Variants in TRAPPC9 observed in about 807,000 individuals in gnomAD.
TRAPPC9 encodes trafficking protein particle complex subunit 9, also known as IKK2 binding protein.
In TRAPPC9, 83 loss-of-function variants were observed where a neutral mutation model predicts 124.0. The observed-to-expected ratio is 0.67, with a 90% confidence interval of 0.56 to 0.80. The LOEUF (loss-of-function observed/expected upper bound fraction) is 0.80, where lower values mean the gene tolerates loss of function less well. Ranked by LOEUF, TRAPPC9 falls within the 30% of genes least tolerant of loss-of-function variation. The pLI is 0.00. For synonymous variants in TRAPPC9, 638 were observed against 617.5 expected (o/e 1.03, Z -0.49); for missense variants, 1,302 against 1,508.3 (o/e 0.86, Z 2.27).
At chr8:140,329,251 G>A (rs2066828988) in intron 9 of TRAPPC9, among the ~76,000 whole-genome samples, 1 of 152,170 alleles carries the variant, frequency 6.6e-6, no homozygotes, top group Admixed American at 6.5e-5. Context: ...CAAAAGGTGA[G>A]ATCTTCTGGA....
Position 140,451,450 on chromosome 8 carries a change from G to T in TRAPPC9, c.-10-67C>A, listed in dbSNP as rs558874788. On this transcript the variant is annotated intron_variant, in intron 1 of 22. Coordinates refer to ENST00000438773, the MANE Select transcript of TRAPPC9 (RefSeq NM_001160372.4). ...TGAGTGCTGAGAGCCTACCCTGGGAGGCAGTGACTGTGACCTTCACTACCC... is the reference window on the plus strand; with the variant it reads ...TGAGTGCTGAGAGCCTACCCTGGGATGCAGTGACTGTGACCTTCACTACCC... 1.6e-4 allele frequency: 216 copies of T among 1,372,528 alleles called. 1 individual carries two copies. In the South Asian group the frequency reaches 2.3e-3, roughly 15 times the overall value. 85.0% of individuals were successfully genotyped at this position (1,372,528 alleles called of 1,614,324 possible). A position where few individuals can be genotyped will look rare whatever the true frequency, so the allele number is the denominator to read the frequency against.
chr8:139,734,154 C>T (rs922475463), intron 21 of TRAPPC9, among the ~76,000 whole-genome samples: 6 of 152,182 alleles, frequency 3.9e-5, no homozygotes, highest in Non-Finnish European at 7.3e-5. Context: ...GTCCTGGGTT[C>T]ACAGGGAGGC....
chr8:140,275,717 T>G lies in TRAPPC9; in HGVS notation c.2219A>C (p.Asn740Thr). The G allele has an allele frequency of 1.2e-6, 2 of 1,614,186 alleles. No individual in the cohort carries two copies. The highest frequency in any genetic ancestry group is 1.7e-6 in the Non-Finnish European group (2 of 1,180,006). Reference sequence around the variant, plus strand: ...TTTCTCCAATGGTTCCATTCCAATATTTTCCAATTTAATGATTAGTTGCTG... The same window carrying G: ...TTTCTCCAATGGTTCCATTCCAATAGTTTCCAATTTAATGATTAGTTGCTG... Reference protein sequence around the residue: ...ESQQLIIKLENIGMEPLEKLE... With the variant: ...ESQQLIIKLETIGMEPLEKLE... Residue 740 changes from asparagine (N) to threonine (T), a missense_variant, in exon 15 of 23, where the codon AAT becomes ACT. Transcript: ENST00000438773.
At chr8:140,035,504 C>T (rs910110492) in intron 17 of TRAPPC9, among the ~76,000 whole-genome samples, 1 of 152,204 alleles carries the variant, frequency 6.6e-6, no homozygotes, top group African/African-American at 2.4e-5. Context: ...AAGCAATCCT[C>T]ACAACCAGTG....
At chr8:139,744,542 A>C (rs1291916356) in intron 21 of TRAPPC9, among the ~76,000 whole-genome samples, 6 of 152,212 alleles carry the variant, frequency 3.9e-5, no homozygotes, top group African/African-American at 1.4e-4. Context: ...CCAGCTCTGC[A>C]CACTCCAGCT....
At chr8:140,082,757 G>A (rs1211568867) in intron 17 of TRAPPC9, among the ~76,000 whole-genome samples, 2 of 152,206 alleles carry the variant, frequency 1.3e-5, no homozygotes, top group Admixed American at 1.3e-4. Flanking sequence ...CATCAAAATG[G>A]TCTGATTTAG....
intron 17 of TRAPPC9, among the ~76,000 whole-genome samples, chr8:140,028,543 C>G (rs928540565): frequency 6.6e-6 from 1 of 152,214 alleles, no homozygotes; most frequent in Non-Finnish European, 1.5e-5. Context: ...CAGGCAGGAA[C>G]TGAATGCAGA....
At chr8:140,405,520 A>G in intron 6 of TRAPPC9, 57 bp downstream of exon 6, 2 of 1,596,810 alleles carry the variant, frequency 1.3e-6, no homozygotes, top group Non-Finnish European at 1.7e-6. Context: ...TGTAAAATGG[A>G]AACTTCTGAT....
At chr8:139,918,510 G>T (rs1386505060) in intron 19 of TRAPPC9, among the ~76,000 whole-genome samples, 1 of 152,222 alleles carries the variant, frequency 6.6e-6, no homozygotes. Context: ...ACCAGAGCGT[G>T]AGCAAACCGG....
intron 17 of TRAPPC9, among the ~76,000 whole-genome samples, chr8:140,124,703 C>A (rs372696624): frequency 8.5e-5 from 6 of 70,286 alleles, no homozygotes; most frequent in Admixed American, 4.8e-4. Flanking sequence ...AAGACCCTCG[C>A]GGGGGAGGAC....
At chr8:139,975,160 C>T (rs1052393775) in intron 19 of TRAPPC9, among the ~76,000 whole-genome samples, 4 of 152,098 alleles carry the variant, frequency 2.6e-5, no homozygotes, top group South Asian at 2.1e-4. Context: ...ACAAGGACTG[C>T]CCTAGACGAG....
At chr8:139,767,097 C>T (rs1415945455) in intron 21 of TRAPPC9, among the ~76,000 whole-genome samples, 1 of 152,200 alleles carries the variant, frequency 6.6e-6, no homozygotes, top group Non-Finnish European at 1.5e-5. Context: ...GACAAGGCCA[C>T]GTGTCAGCTA....
chr8:140,210,682 G>A lies in TRAPPC9; in HGVS notation c.2556+10777C>T, dbSNP rs958373717. On this transcript the variant is annotated intron_variant, in intron 17 of 22. Coordinates refer to ENST00000438773, the MANE Select transcript of TRAPPC9 (RefSeq NM_001160372.4). Reference sequence around the variant, plus strand: ...CAAACAGATGATGAAGGCACTGCCTGTCCCCAAGGAAGGCCACAGTCCCAA... The same window carrying A: ...CAAACAGATGATGAAGGCACTGCCTATCCCCAAGGAAGGCCACAGTCCCAA... Among the ~76,000 whole-genome samples the A allele has an allele frequency of 2.0e-5, 3 of 152,146 alleles. No individual in the cohort carries two copies. The East Asian group carries it at 5.8e-4, about 29-fold the overall frequency.
intron 12 of TRAPPC9, among the ~76,000 whole-genome samples, chr8:140,289,079 G>A (rs1400515759): frequency 2.6e-5 from 4 of 152,208 alleles, no homozygotes; most frequent in African/African-American, 9.7e-5. Flanking sequence ...GGGTCCCCGT[G>A]AACAGGGCAG....
At chr8:140,444,379 C>A (rs1452220989) in intron 2 of TRAPPC9, among the ~76,000 whole-genome samples, 9 of 152,158 alleles carry the variant, frequency 5.9e-5, no homozygotes, top group Non-Finnish European at 5.9e-5. Context: ...CCTTCCTGAT[C>A]TGCCCTTCTG....
chr8:139,976,633 G>C lies in TRAPPC9; in HGVS notation c.2810+12093C>G, dbSNP rs920233420. ...GCCTCACCACAAGGGATCTGCGCAC[G>C]GCTCGTGAGGAGCTGAGAAAACGCT... On this transcript the variant is annotated intron_variant, in intron 19 of 22. Coordinates refer to ENST00000438773, the MANE Select transcript of TRAPPC9 (RefSeq NM_001160372.4). Among the ~76,000 whole-genome samples the C allele has an allele frequency of 3.9e-5, 6 of 152,348 alleles. No individual in the cohort carries two copies. The East Asian group carries it at 9.7e-4, about 25-fold the overall frequency.
At chr8:140,266,371 G>A (rs895699539) in intron 15 of TRAPPC9, among the ~76,000 whole-genome samples, 11 of 151,874 alleles carry the variant, frequency 7.2e-5, no homozygotes, top group African/African-American at 2.7e-4. Flanking sequence ...GCTAAGGCAG[G>A]AGAATCGCTT....
intron 21 of TRAPPC9, among the ~76,000 whole-genome samples, chr8:139,814,930 C>T (rs11786047): frequency 0.35 from 53,009 of 152,000 alleles, 10,047 homozygotes; most frequent in East Asian, 0.58. Context: ...CAGACATGGC[C>T]GGGCACCGAG....
chr8:140,387,159 A>T (rs1469033763), intron 7 of TRAPPC9, among the ~76,000 whole-genome samples: 1 of 152,216 alleles, frequency 6.6e-6, no homozygotes, highest in Non-Finnish European at 1.5e-5. Context: ...CTTATACAAA[A>T]ATTAATTCAA....
Sources: allele counts gnomAD v4.1 joint callset (sites outside exome capture counted in the v4.1 genomes callset), GRCh38; gene constraint gnomAD v4.1.1; transcripts MANE v1.5; gene names NCBI Gene and HGNC (gene_info 2026-07-23, HGNC 2026-07-21).